The following CACNA2D3 variants were observed in gnomAD, a reference collection of about 807,000 sequenced individuals.
The protein encoded by CACNA2D3 is calcium voltage-gated channel auxiliary subunit alpha2delta 3.
Under a neutral mutation model 160.6 loss-of-function variants are expected in CACNA2D3, and 60 were observed. The ratio of observed to expected loss-of-function variants is 0.37; its 90% CI spans 0.30 to 0.46. The LOEUF is 0.46. Among genes scored for constraint, CACNA2D3 ranks in the 20% least tolerant of loss-of-function variants. The pLI, the probability that CACNA2D3 is intolerant of heterozygous loss-of-function variation, is 1.00. For missense variants in CACNA2D3, 1,205 were observed against 1,365.0 expected (o/e 0.88, Z 1.85); for synonymous variants, 558 against 492.9 (o/e 1.13, Z -1.75).
rs181834764 is a variant in CACNA2D3, at chr3:54,665,031, C to T, written c.1167+22790C>T. On this transcript the variant is annotated intron_variant, in intron 11 of 37. Transcript: ENST00000474759. ...CCAGCCAGAAATAATATACCTGCAG[C>T]TGTGTTTCTGTAGGACAATGGGGAC... Among the ~76,000 whole-genome samples, 227 of 152,324 alleles carry T rather than the reference C, an allele frequency of 1.5e-3. 1 individual carries two copies. Among genetic ancestry groups the T allele is most frequent in the Non-Finnish European group, 2.5e-3 (172 of 68,028 alleles).
chr3:55,037,261 C>T (rs1423295937), intron 35 of CACNA2D3, among the ~76,000 whole-genome samples: 1 of 152,218 alleles, frequency 6.6e-6, no homozygotes, highest in Non-Finnish European at 1.5e-5. Context: ...TGATGCACCA[C>T]CATTGTGTGT....
chr3:54,284,227 C>T (rs1023338334), intron 2 of CACNA2D3, among the ~76,000 whole-genome samples: 2 of 151,606 alleles, frequency 1.3e-5, no homozygotes, highest in Non-Finnish European at 2.9e-5. Flanking sequence ...TGTAACAAAC[C>T]TGCAAATTGT....
At chr3:54,247,777 A>G (rs1299894224) in intron 2 of CACNA2D3, among the ~76,000 whole-genome samples, 6 of 152,152 alleles carry the variant, frequency 3.9e-5, no homozygotes, top group Admixed American at 2.0e-4. Flanking sequence ...AGGATTTGAA[A>G]TTCCATATTG....
chr3:54,741,276 C>G (rs1431950521), intron 11 of CACNA2D3, among the ~76,000 whole-genome samples: 1 of 152,152 alleles, frequency 6.6e-6, no homozygotes, highest in Non-Finnish European at 1.5e-5. Context: ...ATTTTTCTCT[C>G]TTTAGGGTCT....
chr3:54,777,368 C>G (rs955594780), intron 13 of CACNA2D3, among the ~76,000 whole-genome samples: 1 of 152,174 alleles, frequency 6.6e-6, no homozygotes, highest in Non-Finnish European at 1.5e-5. Context: ...CCTAACCTTA[C>G]TCTGCTGGTG....
intron 35 of CACNA2D3, among the ~76,000 whole-genome samples, chr3:55,066,451 A>T (rs1704637301): frequency 6.6e-6 from 1 of 152,144 alleles, no homozygotes; most frequent in Non-Finnish European, 1.5e-5. Context: ...CAAGCTCTCC[A>T]CATGTGCAAT....
At chr3:54,667,804 A>G (rs1411430564) in intron 11 of CACNA2D3, among the ~76,000 whole-genome samples, 1 of 152,026 alleles carries the variant, frequency 6.6e-6, no homozygotes, top group African/African-American at 2.4e-5. Flanking sequence ...TTAAAAAGCC[A>G]GGCATGGTGG....
chr3:54,328,117 G>C (rs866406934), intron 3 of CACNA2D3, among the ~76,000 whole-genome samples: 5 of 152,188 alleles, frequency 3.3e-5, no homozygotes, highest in Admixed American at 2.6e-4. Flanking sequence ...TTAAGGCTTT[G>C]GGTGTATCTT....
chr3:55,032,274 C>T (rs1178434708), intron 35 of CACNA2D3, among the ~76,000 whole-genome samples: 9 of 152,108 alleles, frequency 5.9e-5, no homozygotes, highest in Admixed American at 1.3e-4. Flanking sequence ...GCCTCTCTGT[C>T]ATGATACTAG....
intron 3 of CACNA2D3, among the ~76,000 whole-genome samples, chr3:54,358,521 T>G (rs1393872972): frequency 6.6e-6 from 1 of 152,172 alleles, no homozygotes; most frequent in Non-Finnish European, 1.5e-5. Flanking sequence ...TGATAATGCC[T>G]GAGGATGCTT....
chr3:54,842,624 A>G (rs1390106565), intron 16 of CACNA2D3, among the ~76,000 whole-genome samples: 1 of 140,316 alleles, frequency 7.1e-6, no homozygotes, highest in Non-Finnish European at 1.5e-5. Flanking sequence ...TTTTTGAGAC[A>G]GGGTCTGGCT....
At chr3:54,843,836 C>A (rs975515241) in intron 16 of CACNA2D3, among the ~76,000 whole-genome samples, 1 of 152,168 alleles carries the variant, frequency 6.6e-6, no homozygotes. Flanking sequence ...GCTGCAGTTT[C>A]TAACTGGGGA....
intron 6 of CACNA2D3, among the ~76,000 whole-genome samples, chr3:54,568,272 T>G (rs944551429): frequency 1.3e-5 from 2 of 152,184 alleles, no homozygotes; most frequent in African/African-American, 4.8e-5. Context: ...TTCACTCAAA[T>G]TTGAGCGTTT....
chr3:54,510,283 G>T (rs1188959056), intron 5 of CACNA2D3, among the ~76,000 whole-genome samples: 1 of 152,074 alleles, frequency 6.6e-6, no homozygotes, highest in Admixed American at 6.5e-5. Flanking sequence ...ATGGATGGAT[G>T]GATGAGTGGA....
At chr3:54,865,058 G>T (rs185391871) in intron 17 of CACNA2D3, among the ~76,000 whole-genome samples, 6 of 152,288 alleles carry the variant, frequency 3.9e-5, no homozygotes, top group Non-Finnish European at 7.4e-5. Context: ...GCCCAGTGGG[G>T]GAATAATCGC....
chr3:54,596,319 C>G (rs188883083), intron 9 of CACNA2D3, among the ~76,000 whole-genome samples: 6 of 152,300 alleles, frequency 3.9e-5, no homozygotes, highest in African/African-American at 1.4e-4. Context: ...TGGTCCTGAC[C>G]TCCAGTGCAT....
chr3:54,290,600 A>C (rs1242411482), intron 2 of CACNA2D3, among the ~76,000 whole-genome samples: 1 of 150,766 alleles, frequency 6.6e-6, no homozygotes, highest in Non-Finnish European at 1.5e-5. Flanking sequence ...CTGTAAAGAC[A>C]CATGCACACG....
chr3:54,736,210 C>T (rs192956827), intron 11 of CACNA2D3, among the ~76,000 whole-genome samples: 106 of 148,298 alleles, frequency 7.1e-4, no homozygotes, highest in Non-Finnish European at 9.5e-4. Context: ...CATTTTGTAA[C>T]CTCTTTTGTT....
At chr3:54,335,908 G>A (rs1216950936) in intron 3 of CACNA2D3, among the ~76,000 whole-genome samples, 1 of 150,282 alleles carries the variant, frequency 6.7e-6, no homozygotes, top group Non-Finnish European at 1.5e-5. Flanking sequence ...GGAGGCTGAG[G>A]CAGGGGAATC....
Sources: allele counts gnomAD v4.1 joint callset (sites outside exome capture counted in the v4.1 genomes callset), GRCh38; gene constraint gnomAD v4.1.1; transcripts MANE v1.5; gene names NCBI Gene and HGNC (gene_info 2026-07-23, HGNC 2026-07-21).